The following STK32B variants were observed in gnomAD, a reference collection of about 807,000 sequenced individuals.
The protein encoded by STK32B is serine/threonine kinase 32B, also known as serine/threonine-protein kinase 32B.
STK32B carries 43 observed loss-of-function variants against 52.6 expected under a neutral mutation model. The observed-to-expected ratio is 0.82, with a 90% CI of 0.64 to 1.05. The LOEUF (loss-of-function observed/expected upper bound fraction) is 1.05, where lower values mean the gene tolerates loss of function less well. STK32B is among the 50% of genes least tolerant of loss of function. The probability of loss-of-function intolerance (pLI) is 0.00; values close to 1 mark genes in which losing one functional copy is unlikely to be tolerated. For missense variants in STK32B, 621 were observed against 534.6 expected (o/e 1.16, Z -1.59); for synonymous variants, 238 against 204.3 (o/e 1.17, Z -1.41).
At chr4:5,190,325 G>A (rs143563540) in intron 3 of STK32B, among the ~76,000 whole-genome samples, 1 of 152,236 alleles carries the variant, frequency 6.6e-6, no homozygotes, top group African/African-American at 2.4e-5. Context: ...AATTTCACAG[G>A]CATCATCTCA....
chr4:5,048,224 G>A (rs1741654782), upstream of STK32B, among the ~76,000 whole-genome samples: 1 of 151,824 alleles, frequency 6.6e-6, no homozygotes, highest in Non-Finnish European at 1.5e-5. Flanking sequence ...CCACCTCCCA[G>A]GTTCAAGACA....
chr4:5,110,562 AAG>A (rs1041028303), intron 1 of STK32B, among the ~76,000 whole-genome samples: 19 of 152,142 alleles, frequency 1.2e-4, no homozygotes, highest in African/African-American at 4.1e-4. Flanking sequence ...CATTAAGTGG[AAG>A]AGAGAGGCTG....
chr4:5,371,417 G>T (rs1251807179), intron 4 of STK32B, among the ~76,000 whole-genome samples: 1 of 152,152 alleles, frequency 6.6e-6, no homozygotes, highest in Non-Finnish European at 1.5e-5. Flanking sequence ...TGCTAAAACT[G>T]GATTTAGCAA....
Position 5,444,262 on chromosome 4 carries a change from G to T in STK32B, c.563-2411G>T, listed in dbSNP as rs553994384. 6.2e-4 allele frequency among the ~76,000 whole-genome samples: 95 copies of T among 152,368 alleles called. 1 individual carries two copies. Among genetic ancestry groups the T allele is most frequent in the African/African-American group, 2.1e-3 (88 of 41,600 alleles). On this transcript the variant is annotated intron_variant, in intron 6 of 11. Coordinates refer to ENST00000282908, the MANE Select transcript of STK32B (RefSeq NM_018401.3). ...GCTAGCAATCAGCGAGACTCCGTGG[G>T]TGTAGGACCCTCCAAGTCAGGTGCG... is the stretch of plus-strand genomic sequence containing the variant.
chr4:5,257,769 G>A (rs184643593), intron 3 of STK32B, among the ~76,000 whole-genome samples: 79 of 152,196 alleles, frequency 5.2e-4, no homozygotes, highest in African/African-American at 1.7e-3. Context: ...ATGGCAAAAC[G>A]CTGTCTTTAC....
At chr4:5,329,421 C>G (rs1286599883) in intron 3 of STK32B, among the ~76,000 whole-genome samples, 2 of 152,180 alleles carry the variant, frequency 1.3e-5, no homozygotes, top group Non-Finnish European at 2.9e-5. Flanking sequence ...TGCTGTTTCT[C>G]TCTCTGTCTG....
chr4:5,074,398 G>T (rs1711960910), intron 1 of STK32B, among the ~76,000 whole-genome samples: 1 of 151,612 alleles, frequency 6.6e-6, no homozygotes, highest in South Asian at 2.1e-4. Flanking sequence ...CTATATTTCT[G>T]CTGAAATTCC....
At chr4:5,487,478 G>A (rs571162464) in intron 11 of STK32B, among the ~76,000 whole-genome samples, 3 of 152,268 alleles carry the variant, frequency 2.0e-5, no homozygotes, top group East Asian at 1.9e-4. Flanking sequence ...ACTCACAGCC[G>A]AAGCCTAAGG....
At chr4:5,221,392 A>G (rs1269209700) in intron 3 of STK32B, among the ~76,000 whole-genome samples, 1 of 152,210 alleles carries the variant, frequency 6.6e-6, no homozygotes, top group Non-Finnish European at 1.5e-5. Context: ...GATATAGGAG[A>G]TAGGGAAGAG....
intron 1 of STK32B, among the ~76,000 whole-genome samples, chr4:5,114,312 C>T (rs963267053): frequency 1.3e-5 from 2 of 151,840 alleles, no homozygotes; most frequent in Non-Finnish European, 2.9e-5. Context: ...CTTCTGGTCT[C>T]AGTTTAAAGC....
intron 1 of STK32B, among the ~76,000 whole-genome samples, chr4:5,100,526 C>G (rs1291005558): frequency 1.5e-5 from 2 of 133,888 alleles, no homozygotes; most frequent in East Asian, 4.9e-4. Context: ...CTTCTTCTCT[C>G]TTTCCTTCCT....
intron 3 of STK32B, among the ~76,000 whole-genome samples, chr4:5,310,802 A>G (rs1352621802): frequency 6.6e-6 from 1 of 152,240 alleles, no homozygotes; most frequent in African/African-American, 2.4e-5. Context: ...GTGTCCACAA[A>G]TAGATGAATG....
chr4:5,423,701 G>A (rs1407200616), intron 6 of STK32B, among the ~76,000 whole-genome samples: 1 of 152,158 alleles, frequency 6.6e-6, no homozygotes, highest in Non-Finnish European at 1.5e-5. Flanking sequence ...GATGGTGGGT[G>A]CACTAGGGAG....
At chr4:5,433,945 T>G (rs1713810360) in intron 6 of STK32B, among the ~76,000 whole-genome samples, 1 of 152,234 alleles carries the variant, frequency 6.6e-6, no homozygotes, top group Non-Finnish European at 1.5e-5. Context: ...CCCATGTTCC[T>G]GCTTTTCTGG....
intron 3 of STK32B, among the ~76,000 whole-genome samples, chr4:5,221,080 A>G (rs76143798): frequency 6.6e-6 from 1 of 152,114 alleles, no homozygotes; most frequent in African/African-American, 2.4e-5. Context: ...GGGTGCCTGG[A>G]CCTCTCAGTT....
At chr4:5,484,604 G>C (rs1019646065) in intron 11 of STK32B, among the ~76,000 whole-genome samples, 1 of 152,098 alleles carries the variant, frequency 6.6e-6, no homozygotes, top group Non-Finnish European at 1.5e-5. Flanking sequence ...GGTTAATATT[G>C]TTACGTGTGA....
intron 3 of STK32B, among the ~76,000 whole-genome samples, chr4:5,194,481 G>A (rs1721487379): frequency 1.3e-5 from 2 of 152,286 alleles, no homozygotes; most frequent in Non-Finnish European, 2.9e-5. Flanking sequence ...AGTGCCCTTT[G>A]CATGGGTGAT....
chr4:5,458,336 T>C (rs1463272030), intron 8 of STK32B, among the ~76,000 whole-genome samples: 2 of 152,154 alleles, frequency 1.3e-5, no homozygotes, highest in Non-Finnish European at 2.9e-5. Flanking sequence ...AAAGGAATGA[T>C]GACAATAGCA....
chr4:5,079,411 C>G (rs1013149362), intron 1 of STK32B, among the ~76,000 whole-genome samples: 1 of 152,076 alleles, frequency 6.6e-6, no homozygotes, highest in African/African-American at 2.4e-5. Flanking sequence ...AAAATTTATG[C>G]CAGTTCTTGG....
Sources: allele counts gnomAD v4.1 joint callset (sites outside exome capture counted in the v4.1 genomes callset), GRCh38; gene constraint gnomAD v4.1.1; transcripts MANE v1.5; gene names NCBI Gene and HGNC (gene_info 2026-07-23, HGNC 2026-07-21).